PPP2R2C: variants seen among roughly 807,000 people sequenced by gnomAD.
The protein encoded by PPP2R2C is protein phosphatase 2, regulatory subunit B, gamma.
Under a neutral mutation model 45.3 loss-of-function variants are expected in PPP2R2C, and 10 were observed. The ratio of observed to expected loss-of-function variants is 0.22; its 90% CI spans 0.14 to 0.37. The LOEUF (loss-of-function observed/expected upper bound fraction) is 0.37, where lower values mean the gene tolerates loss of function less well. PPP2R2C is among the 10% of genes least tolerant of loss of function. The probability of loss-of-function intolerance (pLI) is 1.00; values close to 1 mark genes in which losing one functional copy is unlikely to be tolerated. For synonymous variants in PPP2R2C, 257 were observed against 245.4 expected (o/e 1.05, Z -0.44); for missense variants, 308 against 619.7 (o/e 0.50, Z 5.34).
chr4:6,435,310 T>C (rs2109417537), intron 1 of PPP2R2C, among the ~76,000 whole-genome samples: 1 of 152,340 alleles, frequency 6.6e-6, no homozygotes, highest in South Asian at 2.1e-4. Context: ...GGTTTATTTG[T>C]TAATCTATCT....
intron 5 of PPP2R2C, chr4:6,349,101 C>G: frequency 1.0e-6 from 1 of 985,406 alleles, no homozygotes; most frequent in East Asian, 1.1e-4. Flanking sequence ...GGACTGGCAC[C>G]CCCGAGCTTC....
chr4:6,338,458 G>A (rs570653974), intron 6 of PPP2R2C, among the ~76,000 whole-genome samples: 1 of 152,276 alleles, frequency 6.6e-6, no homozygotes, highest in South Asian at 2.1e-4. Flanking sequence ...CAAGGTGTGG[G>A]GCGGCTCTGA....
intron 1 of PPP2R2C, chr4:6,413,858 T>A (rs10213664): frequency 6.5e-7 from 1 of 1,535,186 alleles, no homozygotes; most frequent in Non-Finnish European, 8.7e-7. Context: ...AGCTCCACGA[T>A]GGGGACCCTC....
At chr4:6,488,510 C>T (rs185746751) in intron 2 of PPP2R2C, among the ~76,000 whole-genome samples, 3 of 152,168 alleles carry the variant, frequency 2.0e-5, no homozygotes, top group Non-Finnish European at 2.9e-5. Context: ...ATAGTGAGAA[C>T]CTGTCTCTAC....
chr4:6,510,637 G>T (rs184490492), intron 2 of PPP2R2C, among the ~76,000 whole-genome samples: 19 of 152,086 alleles, frequency 1.2e-4, no homozygotes, highest in Non-Finnish European at 2.1e-4. Context: ...GCCCAACAAC[G>T]CCCAGCCCCT....
chr4:6,333,790 CG>C (rs899233688), intron 6 of PPP2R2C, 59 bp from the exon 7 acceptor site: 3 of 1,582,526 alleles, frequency 1.9e-6, no homozygotes, highest in Non-Finnish European at 2.6e-6. Context: ...GGGGTTGGCA[CG>C]ACGGATGACT....
Position 6,329,180 on chromosome 4 carries a change from C to T in PPP2R2C, c.1052+82G>A. 7.4e-7 allele frequency: 1 copy of T among 1,344,470 alleles called. No homozygotes were observed. The allele number at this position is 1,344,470 out of a possible 1,614,324, so 83.3% of individuals were successfully genotyped here. On this transcript the variant is annotated intron_variant, in intron 8 of 8. Coordinates refer to ENST00000382599, the MANE Select transcript of PPP2R2C (RefSeq NM_020416.4). This position sits in a 1 kb window ranked among gnomAD's most constrained non-coding sequence, Gnocchi z 5.8. ...GGCTGAGTAGCCCCATGCTGCGGGT[C>T]ACCGGAATCCCAGCCCAGACCCCTG...
At chr4:6,380,928 C>G in intron 2 of PPP2R2C, 69 bp downstream of exon 2, 1 of 1,452,254 alleles carries the variant, frequency 6.9e-7, no homozygotes, top group Non-Finnish European at 9.1e-7. Flanking sequence ...TCCCCTCCCA[C>G]CATGCCCGCC....
chr4:6,410,956 C>G (rs1353517329), intron 1 of PPP2R2C, among the ~76,000 whole-genome samples: 1 of 151,914 alleles, frequency 6.6e-6, no homozygotes, highest in Non-Finnish European at 1.5e-5. Context: ...GCAGCTTCAA[C>G]CCTCCCAGGT....
intron 1 of PPP2R2C, among the ~76,000 whole-genome samples, chr4:6,415,591 G>A (rs1488113001): frequency 6.6e-6 from 1 of 152,140 alleles, no homozygotes. Flanking sequence ...GCTCATTCCA[G>A]ATACCAGAGC....
Position 6,331,438 on chromosome 4 carries a change from C to T in PPP2R2C, c.961-2085G>A, listed in dbSNP as rs1189976450. 1.3e-5 allele frequency among the ~76,000 whole-genome samples: 2 copies of T among 152,250 alleles called. No individual in the cohort carries two copies. The highest frequency in any genetic ancestry group is 4.8e-5 in the African/African-American group (2 of 41,530). ...ACCTCAGTGTGGCTCATTCAACAAC[C>T]GTCCCCAGCCCCTTCACCCTTGCCT... On this transcript the variant is annotated intron_variant, in intron 7 of 8. Coordinates refer to ENST00000382599, the MANE Select transcript of PPP2R2C (RefSeq NM_020416.4). This position sits in a 1 kb window ranked among gnomAD's most constrained non-coding sequence, Gnocchi z 5.9.
intron 4 of PPP2R2C, 75 bp from the exon 5 acceptor site, chr4:6,372,775 T>G: frequency 6.8e-7 from 1 of 1,467,006 alleles, no homozygotes; most frequent in South Asian, 1.2e-5. Flanking sequence ...CGTGAGCATG[T>G]GATCCCAACC....
intron 6 of PPP2R2C, among the ~76,000 whole-genome samples, chr4:6,334,018 T>G (rs1732635098): frequency 6.6e-6 from 1 of 152,174 alleles, no homozygotes; most frequent in Admixed American, 6.5e-5. Flanking sequence ...GAGTCGGGAT[T>G]TGAAGCCAAA....
upstream of PPP2R2C, among the ~76,000 whole-genome samples, chr4:6,473,740 C>G (rs62284534): frequency 6.6e-6 from 1 of 152,092 alleles, no homozygotes; most frequent in Non-Finnish European, 1.5e-5. Context: ...AGTCCAAAGG[C>G]GTTGGGGGCA....
At chr4:6,394,682 A>G (rs1204620011) in intron 1 of PPP2R2C, among the ~76,000 whole-genome samples, 1 of 152,176 alleles carries the variant, frequency 6.6e-6, no homozygotes, top group East Asian at 1.9e-4. Flanking sequence ...CGGACCTATC[A>G]CTTGAGTCTC....
At chr4:6,338,264 C>T (rs988038107) in intron 6 of PPP2R2C, among the ~76,000 whole-genome samples, 1 of 152,188 alleles carries the variant, frequency 6.6e-6, no homozygotes, top group Admixed American at 6.5e-5. Context: ...CTCAATCAGC[C>T]GAAATCTCCA....
chr4:6,414,942 T>A (rs747338877), intron 1 of PPP2R2C, among the ~76,000 whole-genome samples: 4 of 152,172 alleles, frequency 2.6e-5, no homozygotes, highest in Non-Finnish European at 4.4e-5. Context: ...CTCTGTGAAC[T>A]CAGGGTCACC....
rs564927950 is a variant in PPP2R2C at position 6,550,185 on chromosome 4, G to A, written c.-59+13375C>T. On this transcript the variant is annotated intron_variant, in intron 1 of 9. Coordinates refer to the PPP2R2C transcript ENST00000506140. The stretch of plus-strand genomic sequence containing the variant: ...CTGAGCCTCCCCGTCCCCCACTGGT[G>A]GAATGAGATGGATGACAACCCACCT... Among the ~76,000 whole-genome samples the A allele has an allele frequency of 1.5e-4, 23 of 152,120 alleles. No individual in the cohort carries two copies. The East Asian group carries it at 1.9e-3, about 13-fold the overall frequency.
At position 6,460,666 on chromosome 4, in the gene PPP2R2C, T is replaced by C. The variant is rs1327705313; in HGVS notation, c.70+11494A>G. On this transcript the variant is annotated intron_variant, in intron 1 of 8. Coordinates refer to ENST00000382599, the MANE Select transcript of PPP2R2C (RefSeq NM_020416.4). The stretch of plus-strand genomic sequence containing the variant: ...TATATATATACCTAGATAGTATGTA[T>C]ACCCATAGGCAAAAACACATATACC... Among the ~76,000 whole-genome samples, 3 of 152,220 alleles carry C rather than the reference T, an allele frequency of 2.0e-5. No homozygotes were observed. In the South Asian group the frequency reaches 6.2e-4, roughly 31 times the overall value.
Sources: allele counts gnomAD v4.1 joint callset (sites outside exome capture counted in the v4.1 genomes callset), GRCh38; gene constraint gnomAD v4.1.1; non-coding constraint Gnocchi (gnomAD v3.1); transcripts MANE v1.5; gene names NCBI Gene and HGNC (gene_info 2026-07-23, HGNC 2026-07-21).